The following TNFRSF10B variants were observed in gnomAD, a reference collection of about 807,000 sequenced individuals.
TNFRSF10B encodes tumor necrosis factor receptor superfamily member 10B.
In TNFRSF10B, 35 loss-of-function variants were observed where a neutral mutation model predicts 41.4. The ratio of observed to expected loss-of-function variants is 0.85; its 90% CI spans 0.65 to 1.12. The LOEUF is 1.12. TNFRSF10B is among the 50% of genes most tolerant of loss of function. TNFRSF10B has a pLI of 0.00. For missense variants in TNFRSF10B, 584 were observed against 552.7 expected (o/e 1.06, Z -0.57); for synonymous variants, 230 against 215.5 (o/e 1.07, Z -0.59).
At chr8:23,061,408 A>G (rs1337058459) in intron 1 of TNFRSF10B, among the ~76,000 whole-genome samples, 1 of 152,154 alleles carries the variant, frequency 6.6e-6, no homozygotes, top group African/African-American at 2.4e-5. Context: ...TAAAAATTTA[A>G]TATTATTTTA....
chr8:23,023,981 G>T (rs1362249561), intron 8 of TNFRSF10B, among the ~76,000 whole-genome samples: 1 of 152,104 alleles, frequency 6.6e-6, no homozygotes, highest in Non-Finnish European at 1.5e-5. Flanking sequence ...AGTCATTAGG[G>T]TCAATGATAG....
chr8:23,031,298 G>A (rs534599530), intron 2 of TNFRSF10B, among the ~76,000 whole-genome samples: 17 of 152,132 alleles, frequency 1.1e-4, no homozygotes, highest in African/African-American at 3.9e-4. Flanking sequence ...GGCTAGTCTC[G>A]ATCTCCTGAC....
At chr8:23,036,684 A>C (rs1380346878) in intron 2 of TNFRSF10B, among the ~76,000 whole-genome samples, 1 of 152,214 alleles carries the variant, frequency 6.6e-6, no homozygotes, top group African/African-American at 2.4e-5. Context: ...GTCTCTACTA[A>C]AAATACAAAA....
At chr8:23,052,452 A>C (rs1004864102) in intron 1 of TNFRSF10B, among the ~76,000 whole-genome samples, 9 of 151,910 alleles carry the variant, frequency 5.9e-5, no homozygotes, top group African/African-American at 1.9e-4. Context: ...CGCCTGGCTA[A>C]TTTTTTGTAC....
At chr8:23,052,856 G>A (rs1391433513) in intron 1 of TNFRSF10B, among the ~76,000 whole-genome samples, 1 of 152,094 alleles carries the variant, frequency 6.6e-6, no homozygotes, top group East Asian at 1.9e-4. Flanking sequence ...TTCTAGATAC[G>A]GCCTGGGGAC....
At chr8:23,049,123 A>T (rs1302871849) in intron 1 of TNFRSF10B, among the ~76,000 whole-genome samples, 1 of 152,222 alleles carries the variant, frequency 6.6e-6, no homozygotes, top group African/African-American at 2.4e-5. Context: ...GTGGGAATGT[A>T]AAACACACAC....
intron 1 of TNFRSF10B, among the ~76,000 whole-genome samples, chr8:23,045,227 C>T (rs774905846): frequency 2.8e-4 from 42 of 151,250 alleles, no homozygotes; most frequent in Non-Finnish European, 4.9e-4. Flanking sequence ...GAGACTCTGT[C>T]TCAAATAAAA....
Position 23,031,011 on chromosome 8 carries a change from T to C in TNFRSF10B, c.251-139A>G, listed in dbSNP as rs564734451. On this transcript the variant is annotated intron_variant, in intron 2 of 8. Transcript: ENST00000276431. ...TCCTCTACCTAGCTTGGTCAGTTCATCAATTCTGCATTTACACACCTTAAA... is the reference window on the plus strand; with the variant it reads ...TCCTCTACCTAGCTTGGTCAGTTCACCAATTCTGCATTTACACACCTTAAA... The C allele has an allele frequency of 7.7e-5, 53 of 685,548 alleles. 1 individual carries two copies. In the Middle Eastern group the frequency reaches 1.5e-3, roughly 20 times the overall value. The allele number at this position is 685,548 out of a possible 1,614,324, so 42.5% of individuals were successfully genotyped here.
intron 1 of TNFRSF10B, among the ~76,000 whole-genome samples, chr8:23,053,585 C>A (rs1812582460): frequency 6.6e-6 from 1 of 152,140 alleles, no homozygotes; most frequent in Non-Finnish European, 1.5e-5. Flanking sequence ...TCCAGTTTTT[C>A]TGTAAATTGA....
rs111368447 is a variant in TNFRSF10B, at chr8:23,028,629, G to T, written c.477-27C>A. 526 of 1,613,722 alleles carry T rather than the reference G, an allele frequency of 3.3e-4. 3 individuals carry two copies. The African/African-American group carries it at 5.9e-3, about 18-fold the overall frequency. ...TGGGTACACACACAGAGGGAGAGGG[G>T]GGACTCTTGATGGAAAGCTGGCCAG... On this transcript the variant is annotated intron_variant, in intron 4 of 8. Transcript: ENST00000276431.
At chr8:23,067,222 C>G (rs1813013325) in intron 1 of TNFRSF10B, among the ~76,000 whole-genome samples, 1 of 151,994 alleles carries the variant, frequency 6.6e-6, no homozygotes, top group South Asian at 2.1e-4. Context: ...ATGTGATCTG[C>G]CCGCCTCGGC....
At chr8:23,039,190 C>T (rs375368891) in intron 2 of TNFRSF10B, among the ~76,000 whole-genome samples, 61 of 151,984 alleles carry the variant, frequency 4.0e-4, no homozygotes, top group African/African-American at 5.8e-4. Flanking sequence ...GCTGATTTGA[C>T]GGCATGCAGA....
At chr8:23,027,429 C>A in intron 6 of TNFRSF10B, 141 bp from the exon 7 acceptor site, 5 of 1,053,932 alleles carry the variant, frequency 4.7e-6, no homozygotes, top group Non-Finnish European at 7.1e-6. Context: ...AGACTCAGCA[C>A]ATCCAGGACC....
chr8:23,024,324 C>G, intron 7 of TNFRSF10B, 64 bp from the exon 8 acceptor site: 5 of 1,583,762 alleles, frequency 3.2e-6, no homozygotes, highest in Non-Finnish European at 4.3e-6. Context: ...GTACTGACCC[C>G]GACCACCAGC....
chr8:23,038,976 T>C (rs562732762), intron 2 of TNFRSF10B, among the ~76,000 whole-genome samples: 43 of 152,042 alleles, frequency 2.8e-4, no homozygotes, highest in African/African-American at 9.9e-4. Flanking sequence ...TAACATATAA[T>C]GAAATAATTA....
At chr8:23,047,757 G>T (rs1202877602) in intron 1 of TNFRSF10B, among the ~76,000 whole-genome samples, 2 of 152,184 alleles carry the variant, frequency 1.3e-5, no homozygotes, top group Non-Finnish European at 2.9e-5. Context: ...CTGTTGGTGG[G>T]AATGTAAATT....
At chr8:23,063,460 C>T (rs1443871715) in intron 1 of TNFRSF10B, among the ~76,000 whole-genome samples, 1 of 152,160 alleles carries the variant, frequency 6.6e-6, no homozygotes, top group African/African-American at 2.4e-5. Flanking sequence ...CATACTGTCT[C>T]CAATAGCACA....
chr8:23,054,904 A>G (rs1440714496), intron 1 of TNFRSF10B, among the ~76,000 whole-genome samples: 6 of 152,212 alleles, frequency 3.9e-5, no homozygotes, highest in African/African-American at 7.2e-5. Context: ...TGCACGGTAT[A>G]TAAGTAATTA....
At chr8:23,028,681 C>A in intron 4 of TNFRSF10B, 79 bp from the exon 5 acceptor site, 1 of 1,554,840 alleles carries the variant, frequency 6.4e-7, no homozygotes, top group South Asian at 1.1e-5. Flanking sequence ...GCCACCCTCC[C>A]TCCCCAGTGT....
Sources: allele counts gnomAD v4.1 joint callset (sites outside exome capture counted in the v4.1 genomes callset), GRCh38; gene constraint gnomAD v4.1.1; transcripts MANE v1.5; gene names NCBI Gene and HGNC (gene_info 2026-07-23, HGNC 2026-07-21).